The following TLR3 variants were observed in gnomAD, a reference collection of about 807,000 sequenced individuals.
TLR3 encodes the protein toll like receptor 3, also known as toll-like receptor 3.
TLR3 carries 43 observed loss-of-function variants against 66.4 expected under a neutral mutation model. The ratio of observed to expected loss-of-function variants is 0.65; its 90% CI spans 0.51 to 0.83. The LOEUF (loss-of-function observed/expected upper bound fraction) is 0.83. TLR3 is among the 40% of genes least tolerant of loss of function. The probability of loss-of-function intolerance (pLI) is 0.00; values close to 1 mark genes in which losing one functional copy is unlikely to be tolerated. For missense variants in TLR3, 982 were observed against 1,044.6 expected (o/e 0.94, Z 0.83); for synonymous variants, 397 against 397.2 (o/e 1.00, Z 0.01).
chr4:186,083,811 A>G lies in TLR3; in HGVS notation c.2125A>G (p.Asn709Asp). 6.2e-7 allele frequency: 1 copy of G among 1,613,964 alleles called. No homozygotes were observed. Among genetic ancestry groups the G allele is most frequent in the Non-Finnish European group, 8.5e-7 (1 of 1,179,988 alleles). ...SAPFELFFMINTSILLIFIFI... is the reference protein window; with the variant it reads ...SAPFELFFMIDTSILLIFIFI... ...CCCCTTTGAACTCTTTTTCATGATC[A>G]ATACCAGTATCCTGTTGATTTTTAT... The change falls in exon 4 of 5, where the codon AAT (asparagine) becomes GAT (aspartate). Residue 709 changes from asparagine (N) to aspartate (D), a missense_variant. Asn to Asp is a conservative substitution (Grantham distance 23). Transcript: ENST00000296795. The surrounding 1 kb of genome is among the most constrained non-coding windows in gnomAD (Gnocchi z 4.0).
At chr4:186,075,334 G>A (rs2099302273) in intron 1 of TLR3, among the ~76,000 whole-genome samples, 1 of 152,160 alleles carries the variant, frequency 6.6e-6, no homozygotes, top group Non-Finnish European at 1.5e-5. Flanking sequence ...GTAAAATTGT[G>A]ATTGAGGCTG....
At chr4:186,069,270 A>C (rs1016541165) in intron 1 of TLR3, 22 bp downstream of exon 1, 1 of 152,262 alleles carries the variant, frequency 6.6e-6, no homozygotes. Context: ...TGTTCATTTC[A>C]CGTTCTTACT....
rs779058242 is a variant in TLR3 at position 186,083,379 on chromosome 4, C to T, written c.1693C>T (p.His565Tyr). The T allele has an allele frequency of 6.2e-7, 1 of 1,614,202 alleles. No individual in the cohort carries two copies. The highest frequency in any genetic ancestry group is 2.2e-5 in the East Asian group (1 of 44,888). Residue 565 changes from histidine to tyrosine, a missense_variant, in exon 4 of 5, where the codon CAC becomes TAC. His to Tyr is a moderately conservative substitution (Grantham distance 83). Transcript: ENST00000296795. This position sits in a 1 kb window ranked among gnomAD's most constrained non-coding sequence, Gnocchi z 4.0. The part of the protein sequence containing the change: ...IYFLKGLSHL[H>Y]ILNLESNGFD... ...TTTCCTAAAGGGTCTGTCTCACCTC[C>T]ACATCCTTAACTTGGAGTCCAACGG...
chr4:186,079,474 C>T (rs2099303049), intron 3 of TLR3, among the ~76,000 whole-genome samples: 1 of 152,204 alleles, frequency 6.6e-6, no homozygotes, highest in South Asian at 2.1e-4. Context: ...AGTTCTCCCT[C>T]TCTAGCCTCC....
chr4:186,074,779 T>C (rs2150065855), intron 1 of TLR3, among the ~76,000 whole-genome samples: 1 of 152,298 alleles, frequency 6.6e-6, no homozygotes, highest in Non-Finnish European at 1.5e-5. Context: ...ATAAGCTTTT[T>C]TCTATTTTTA....
chr4:186,079,165 G>A, intron 3 of TLR3, 134 bp downstream of exon 3: 1 of 863,954 alleles, frequency 1.2e-6, no homozygotes, highest in Non-Finnish European at 1.8e-6. Context: ...TACTGCTTGG[G>A]GGCATTGGTG....
intron 2 of TLR3, 32 bp from the exon 3 acceptor site, chr4:186,078,806 ACT>A (rs1269732848): frequency 6.3e-7 from 1 of 1,584,244 alleles, no homozygotes; most frequent in East Asian, 2.2e-5. Flanking sequence ...TGACAGCAAG[ACT>A]CTAACATATG....
rs1198836510 is a variant in TLR3 at position 186,087,164 on chromosome 4, C to G, written c.*2291C>G. Reference sequence around the variant, plus strand: ...TTCCATTTGATTGAGTTCTAGGAAGCCTTTAGTTTCCCTGCCTGCAGACCC... The same window carrying G: ...TTCCATTTGATTGAGTTCTAGGAAGGCTTTAGTTTCCCTGCCTGCAGACCC... On this transcript the variant is annotated 3_prime_UTR_variant, in exon 5 of 5. Transcript: ENST00000296795. The G allele has an allele frequency of 6.6e-6, 1 of 152,112 alleles. No homozygotes were observed. The highest frequency in any genetic ancestry group is 1.5e-5 in the Non-Finnish European group (1 of 68,004). The allele number at this position is 152,112 out of a possible 1,614,324, so 9.4% of individuals were successfully genotyped here.
Position 186,085,970 on chromosome 4 carries a change from T to C in TLR3, c.*1097T>C, listed in dbSNP as rs1359658990. On this transcript the variant is annotated 3_prime_UTR_variant, in exon 5 of 5. Coordinates refer to ENST00000296795, the MANE Select transcript of TLR3 (RefSeq NM_003265.3). ...ACCTCCACCTCTGAGTTCAAGCTAT[T>C]CTCCTGCCTCAGCCACCCGAGTAGC... 1 of 152,226 alleles carries C rather than the reference T, an allele frequency of 6.6e-6. No individual in the cohort carries two copies. The highest frequency in any genetic ancestry group is 1.5e-5 in the Non-Finnish European group (1 of 68,074). The allele number at this position is 152,226 out of a possible 1,614,324, so 9.4% of individuals were successfully genotyped here.
rs1263661319 is a variant in TLR3, at chr4:186,083,196, C to T, written c.1510C>T (p.Pro504Ser). ...GGATAGCTCTCCTTCACCATTCCAGCCTCTTCGTAACTTGACCATTCTGGA... is the reference window on the plus strand; with the variant it reads ...GGATAGCTCTCCTTCACCATTCCAGTCTCTTCGTAACTTGACCATTCTGGA... ...NVDSSPSPFQ[P>S]LRNLTILDLS... is the part of the protein sequence containing the mutation. The change falls in exon 4 of 5, where the codon CCT (proline) becomes TCT (serine). Residue 504 changes from proline (P) to serine (S), a missense_variant. Coordinates refer to ENST00000296795, the MANE Select transcript of TLR3 (RefSeq NM_003265.3). This position sits in a 1 kb window ranked among gnomAD's most constrained non-coding sequence, Gnocchi z 4.0. 1 of 1,614,214 alleles carries T rather than the reference C, an allele frequency of 6.2e-7. No homozygotes were observed. The highest frequency in any genetic ancestry group is 1.7e-5 in the Admixed American group (1 of 60,030).
At chr4:186,082,045 T>C in intron 3 of TLR3, 1 of 423,880 alleles carries the variant, frequency 2.4e-6, no homozygotes, top group Non-Finnish European at 4.3e-6. Flanking sequence ...GCCTACACGG[T>C]GAAACCCCGA....
chr4:186,071,912 C>A (rs1191414420), intron 1 of TLR3, among the ~76,000 whole-genome samples: 2 of 152,174 alleles, frequency 1.3e-5, no homozygotes, highest in Non-Finnish European at 2.9e-5. Flanking sequence ...CATCTCCATA[C>A]CTTGTGGGTG....
intron 3 of TLR3, chr4:186,081,615 C>A (rs1270573337): frequency 6.6e-6 from 1 of 152,266 alleles, no homozygotes; most frequent in East Asian, 1.9e-4. Context: ...AACAGCGGCA[C>A]CAAGACACAA....
rs2099304130 is a variant in TLR3, at chr4:186,084,957, G to A, written c.*84G>A. On this transcript the variant is annotated 3_prime_UTR_variant, in exon 5 of 5. Coordinates refer to ENST00000296795, the MANE Select transcript of TLR3 (RefSeq NM_003265.3). The stretch of plus-strand genomic sequence containing the variant: ...GCAAATTTAAGTTTTCCATAAAGGT[G>A]TTATAATTTGTTTATTCATATTTGT... 3 of 1,049,738 alleles carry A rather than the reference G, an allele frequency of 2.9e-6. No homozygotes were observed. Among genetic ancestry groups the A allele is most frequent in the Non-Finnish European group, 2.8e-6 (2 of 702,432 alleles). The allele number at this position is 1,049,738 out of a possible 1,614,324, so 65.0% of individuals were successfully genotyped here.
chr4:186,073,079 G>A (rs1390456427), intron 1 of TLR3, among the ~76,000 whole-genome samples: 1 of 152,150 alleles, frequency 6.6e-6, no homozygotes, highest in African/African-American at 2.4e-5. Flanking sequence ...AAAGTAATCC[G>A]AACAATGTGG....
chr4:186,084,656 A>G lies in TLR3; in HGVS notation c.2498A>G (p.His833Arg), dbSNP rs770237403. ...KDPLCKRFKV[H>R]HAVQQAIEQN... is the part of the protein sequence containing the mutation. ...ATTTTTTTACTTAGATTCAAGGTAC[A>G]TCATGCAGTTCAACAAGCTATTGAA... The change falls in exon 5 of 5, where the codon CAT becomes CGT. Residue 833 changes from histidine (H) to arginine (R), a missense_variant. This residue lies in a region of TLR3 where 666 missense variants were observed against 709.0 expected (regional missense o/e 0.94). Coordinates refer to ENST00000296795, the MANE Select transcript of TLR3 (RefSeq NM_003265.3). The G allele has an allele frequency of 1.9e-6, 3 of 1,610,216 alleles. No homozygotes were observed. The highest frequency in any genetic ancestry group is 1.3e-5 in the African/African-American group (1 of 74,962).
chr4:186,071,769 C>T (rs1356555162), intron 1 of TLR3, among the ~76,000 whole-genome samples: 1 of 152,140 alleles, frequency 6.6e-6, no homozygotes, highest in Non-Finnish European at 1.5e-5. Context: ...ATTCTATATA[C>T]TCACATTAGT....
Position 186,082,360 on chromosome 4 carries a change from G to A in TLR3, c.674G>A (p.Gly225Asp). 6.2e-7 allele frequency: 1 copy of A among 1,612,816 alleles called. No homozygotes were observed. Among genetic ancestry groups the A allele is most frequent in the Non-Finnish European group, 8.5e-7 (1 of 1,179,888 alleles). Reference sequence around the variant, plus strand: ...TTTCACGCAATTGGAAGATTATTTGGCCTCTTTCTGAACAATGTCCAGCTG... The same window carrying A: ...TTTCACGCAATTGGAAGATTATTTGACCTCTTTCTGAACAATGTCCAGCTG... ...GCFHAIGRLFGLFLNNVQLGP... is the reference protein window; with the variant it reads ...GCFHAIGRLFDLFLNNVQLGP... Residue 225 changes from glycine (G) to aspartate (D), a missense_variant, in exon 4 of 5, where the codon GGC (glycine) becomes GAC (aspartate). Around this residue, in one of 3 missense-constraint regions of TLR3, gnomAD observed 313 missense variants for 319.0 expected, o/e 0.98. Coordinates refer to ENST00000296795, the MANE Select transcript of TLR3 (RefSeq NM_003265.3).
Position 186,082,968 on chromosome 4 carries a change from T to G in TLR3, c.1282T>G (p.Ser428Ala). 2 of 1,614,210 alleles carry G rather than the reference T, an allele frequency of 1.2e-6. No individual in the cohort carries two copies. The highest frequency in any genetic ancestry group is 8.5e-7 in the Non-Finnish European group (1 of 1,180,052). ...KISKIESDAF[S>A]WLGHLEVLDL... ...CTCAAAAATAGAGAGTGATGCTTTC[T>G]CTTGGTTGGGCCACCTAGAAGTACT... The change falls in exon 4 of 5, where the codon TCT becomes GCT. Residue 428 changes from serine to alanine, a missense_variant. Ser to Ala is a moderately conservative substitution (Grantham distance 99, BLOSUM62 1). Transcript: ENST00000296795.
Sources: allele counts gnomAD v4.1 joint callset (sites outside exome capture counted in the v4.1 genomes callset), GRCh38; gene constraint gnomAD v4.1.1; regional missense constraint gnomAD v4.1.1; non-coding constraint Gnocchi (gnomAD v3.1); transcripts MANE v1.5; gene names NCBI Gene and HGNC (gene_info 2026-07-23, HGNC 2026-07-21).